Variants in GRID2 observed in about 807,000 individuals in gnomAD.
GRID2 encodes the protein glutamate ionotropic receptor delta type subunit 2.
A neutral mutation model predicts 114.8 loss-of-function variants in GRID2; 33 were observed. The observed-to-expected ratio is 0.29, with a 90% CI of 0.22 to 0.38. The LOEUF is 0.38. GRID2 is among the 10% of genes least tolerant of loss of function. The pLI is 1.00. For missense variants in GRID2, 1,184 were observed against 1,257.7 expected (o/e 0.94, Z 0.89); for synonymous variants, 505 against 449.9 (o/e 1.12, Z -1.55).
chr4:92,423,668 T>C (rs2110328688), intron 1 of GRID2, among the ~76,000 whole-genome samples: 1 of 152,282 alleles, frequency 6.6e-6, no homozygotes, highest in Middle Eastern at 3.4e-3. Flanking sequence ...TATCCTATTT[T>C]CCTTCACAAC....
intron 8 of GRID2, among the ~76,000 whole-genome samples, chr4:93,311,060 A>T (rs1365480273): frequency 6.6e-6 from 1 of 152,208 alleles, no homozygotes; most frequent in Non-Finnish European, 1.5e-5. Flanking sequence ...ATAGATTATC[A>T]TAAAGATCTG....
chr4:92,693,698 G>T (rs984953291), intron 2 of GRID2, among the ~76,000 whole-genome samples: 2 of 152,156 alleles, frequency 1.3e-5, no homozygotes, highest in African/African-American at 4.8e-5. Context: ...GCCGGGCCCT[G>T]CTGGACCCTA....
intron 2 of GRID2, among the ~76,000 whole-genome samples, chr4:93,002,037 GAAAT>G (rs1182020580): frequency 4.0e-5 from 6 of 150,434 alleles, no homozygotes; most frequent in Non-Finnish European, 8.9e-5. Flanking sequence ...TAGTTTCTAA[GAAAT>G]AAAATTTTTA....
chr4:93,130,418 TGGA>T (rs1269941445), intron 4 of GRID2, among the ~76,000 whole-genome samples: 1 of 152,080 alleles, frequency 6.6e-6, no homozygotes, highest in Non-Finnish European at 1.5e-5. Context: ...CAATCCAGCC[TGGA>T]GTACAGAGCA....
At chr4:92,825,044 A>C (rs192810581) in intron 2 of GRID2, among the ~76,000 whole-genome samples, 4 of 152,102 alleles carry the variant, frequency 2.6e-5, no homozygotes, top group Non-Finnish European at 1.5e-5. Flanking sequence ...AATACATAAA[A>C]TTTTTTTTAA....
intron 2 of GRID2, among the ~76,000 whole-genome samples, chr4:92,656,959 C>G (rs1732274064): frequency 6.6e-6 from 1 of 151,462 alleles, no homozygotes; most frequent in Non-Finnish European, 1.5e-5. Context: ...ACAGAAGTGC[C>G]CATATTGCAT....
At chr4:93,786,882 G>T (rs78621898) in intron 1 of GRID2, among the ~76,000 whole-genome samples, 1 of 152,148 alleles carries the variant, frequency 6.6e-6, no homozygotes, top group Non-Finnish European at 1.5e-5. Flanking sequence ...GAGAGTTGTA[G>T]AGTAAGCAGT....
chr4:93,778,592 T>C (rs1159237803), downstream of GRID2, among the ~76,000 whole-genome samples: 7 of 152,000 alleles, frequency 4.6e-5, no homozygotes, highest in Non-Finnish European at 8.8e-5. Context: ...GAGACAGGGT[T>C]TCACCATGTT....
At chr4:93,701,446 C>T (rs934840398) in intron 14 of GRID2, among the ~76,000 whole-genome samples, 8 of 152,074 alleles carry the variant, frequency 5.3e-5, no homozygotes, top group Non-Finnish European at 1.2e-4. Context: ...GCTAATTTCT[C>T]TTCTAAAAAT....
chr4:93,590,711 T>C (rs1738170300), intron 13 of GRID2, among the ~76,000 whole-genome samples: 1 of 152,236 alleles, frequency 6.6e-6, no homozygotes, highest in Non-Finnish European at 1.5e-5. Flanking sequence ...TCCATTTGTA[T>C]GTATCCTCTT....
intron 2 of GRID2, among the ~76,000 whole-genome samples, chr4:92,980,427 T>G (rs1754120358): frequency 6.6e-6 from 1 of 152,074 alleles, no homozygotes; most frequent in Non-Finnish European, 1.5e-5. Flanking sequence ...CACCATTTAA[T>G]ATGATTCAGT....
intron 2 of GRID2, among the ~76,000 whole-genome samples, chr4:92,867,900 G>C (rs985247768): frequency 2.0e-5 from 3 of 152,072 alleles, no homozygotes; most frequent in Non-Finnish European, 4.4e-5. Context: ...CAACTCACAG[G>C]GTAGTGATTC....
At chr4:93,755,103 C>T (rs1194295414) in intron 14 of GRID2, among the ~76,000 whole-genome samples, 1 of 152,162 alleles carries the variant, frequency 6.6e-6, no homozygotes, top group African/African-American at 2.4e-5. Context: ...AGTAACATCC[C>T]TTTCATAACA....
rs143300057 is a variant in GRID2, at chr4:93,601,279, A to G, written c.2194-24990A>G. Among the ~76,000 whole-genome samples the G allele has an allele frequency of 3.3e-3, 502 of 152,232 alleles. 2 individuals carry two copies. The highest frequency in any genetic ancestry group is 0.01 in the Middle Eastern group (3 of 294). Reference sequence around the variant, plus strand: ...AATACAGCATAACCAGATGATAAGAACTGAAAATAGAGTATATGCCTACTC... The same window carrying G: ...AATACAGCATAACCAGATGATAAGAGCTGAAAATAGAGTATATGCCTACTC... On this transcript the variant is annotated intron_variant, in intron 13 of 15. Transcript: ENST00000282020.
At chr4:92,747,601 C>G (rs769982839) in intron 2 of GRID2, among the ~76,000 whole-genome samples, 1 of 152,060 alleles carries the variant, frequency 6.6e-6, no homozygotes, top group Non-Finnish European at 1.5e-5. Flanking sequence ...ATCCAACTAT[C>G]TTTACTTTTT....
intron 8 of GRID2, among the ~76,000 whole-genome samples, chr4:93,257,139 C>A (rs1428885844): frequency 6.6e-6 from 1 of 151,868 alleles, no homozygotes; most frequent in East Asian, 1.9e-4. Context: ...ATCTGAAACA[C>A]AGAAAATGAC....
At chr4:93,238,330 T>A in intron 7 of GRID2, 41 bp from the exon 8 acceptor site, 2 of 1,446,558 alleles carry the variant, frequency 1.4e-6, no homozygotes, top group Non-Finnish European at 1.9e-6. Context: ...TTTATTTTTT[T>A]ACTTCTCAAA....
intron 4 of GRID2, among the ~76,000 whole-genome samples, chr4:93,117,413 C>G (rs10021148): frequency 0.45 from 68,899 of 151,802 alleles, 16,217 homozygotes; most frequent in Admixed American, 0.6. Context: ...CATACATTTA[C>G]GTACAATCAG....
At chr4:93,068,190 T>C (rs2149301648) in intron 2 of GRID2, among the ~76,000 whole-genome samples, 1 of 152,062 alleles carries the variant, frequency 6.6e-6, no homozygotes, top group East Asian at 1.9e-4. Context: ...TTAAAAAATG[T>C]GAATAATGGT....
Sources: gnomAD v4.1 joint callset for allele counts (sites outside exome capture counted in the v4.1 genomes callset) on GRCh38, gnomAD v4.1.1 for gene constraint, MANE v1.5 for transcripts, NCBI Gene and HGNC (gene_info 2026-07-23, HGNC 2026-07-21) for gene names.